The following PUF60 variants were observed in gnomAD, a reference collection of about 807,000 sequenced individuals.
PUF60 encodes poly(U) binding splicing factor 60, also known as poly(U)-binding-splicing factor PUF60.
In PUF60, 10 loss-of-function variants were observed where a neutral mutation model predicts 61.8. The ratio of observed to expected loss-of-function variants is 0.16; its 90% CI spans 0.10 to 0.27. PUF60 has a LOEUF of 0.27. Among genes scored for constraint, PUF60 ranks in the 10% least tolerant of loss-of-function variants. PUF60 has a pLI of 1.00. For missense variants in PUF60, 371 were observed against 754.0 expected, an observed-to-expected ratio of 0.49 and a Z score of 5.95; for synonymous variants, 353 against 300.9, an observed-to-expected ratio of 1.17 and a Z score of -1.79.
At chr8:143,829,231 C>G in intron 1 of PUF60, 49 bp downstream of exon 1, 1 of 1,240,256 alleles carries the variant, frequency 8.1e-7, no homozygotes, top group South Asian at 3.6e-5. Flanking sequence ...GTCGACGACC[C>G]GGCCCCGCAA....
rs374968132 is a variant in PUF60, at chr8:143,824,706, T to G, written c.25-307A>C. ...CAGGCAAAAGAAAGCCATCCTCTCC[T>G]GCCGGCAGGCTGGACGGCCAAAGGA... On this transcript the variant is annotated intron_variant, in intron 1 of 11. Coordinates refer to ENST00000526683, the MANE Select transcript of PUF60 (RefSeq NM_078480.3). The G allele has an allele frequency of 3.4e-5, 14 of 413,156 alleles. No homozygotes were observed. The South Asian group carries it at 4.1e-4, about 12-fold the overall frequency. The allele number at this position is 413,156 out of a possible 1,614,324, so 25.6% of individuals were successfully genotyped here. A position where few individuals can be genotyped will look rare whatever the true frequency, so the allele number is the denominator to read the frequency against.
chr8:143,820,560 G>T, intron 5 of PUF60, 106 bp downstream of exon 5: 2 of 1,281,954 alleles, frequency 1.6e-6, no homozygotes, highest in Non-Finnish European at 2.3e-6. Flanking sequence ...GAGCTGGCGG[G>T]CAGGGCCGGC....
At chr8:143,826,606 T>C (rs982876422) in intron 1 of PUF60, among the ~76,000 whole-genome samples, 1 of 152,018 alleles carries the variant, frequency 6.6e-6, no homozygotes, top group Non-Finnish European at 1.5e-5. Flanking sequence ...TCCCAGCTAC[T>C]TGGGAGGCTG....
chr8:143,822,619 C>T (rs1002047071), intron 2 of PUF60: 2 of 455,660 alleles, frequency 4.4e-6, no homozygotes, highest in Admixed American at 2.4e-5. Context: ...GGCACCCTAG[C>T]CAGGTGGGCC....
rs1816320922 is a variant in PUF60, at chr8:143,816,626, G to C, written c.1574C>G (p.Thr525Ser). ...IFVEFSIASE[T>S]HKAIQALNGR... is the part of the protein sequence containing the mutation. ...ATTGAGGGCCTGGATGGCCTTATGA[G>C]TCTCAGAGGCTATGGAAAACTCCAC... Residue 525 changes from threonine to serine, a missense_variant, in exon 12 of 12, where the codon ACT (threonine) becomes AGT (serine). Thr to Ser is a moderately conservative substitution (Grantham distance 58). Transcript: ENST00000526683. 5.6e-6 allele frequency: 9 copies of C among 1,613,800 alleles called. No individual in the cohort carries two copies. The East Asian group carries it at 2.0e-4, about 36-fold the overall frequency.
intron 1 of PUF60, chr8:143,827,025 T>C (rs1817708817): frequency 7.1e-6 from 2 of 283,452 alleles, no homozygotes; most frequent in African/African-American, 4.6e-5. Context: ...TGAACACTGC[T>C]TACTGCGTGC....
intron 2 of PUF60, among the ~76,000 whole-genome samples, chr8:143,822,265 G>C (rs1173838553): frequency 6.6e-6 from 1 of 152,164 alleles, no homozygotes; most frequent in Non-Finnish European, 1.5e-5. Flanking sequence ...CCCGGCAGGA[G>C]AGCCAGCCTC....
chr8:143,822,536 T>C, intron 2 of PUF60: 1 of 456,536 alleles, frequency 2.2e-6, no homozygotes, highest in Non-Finnish European at 4.4e-6. Flanking sequence ...TGAAGAGGGC[T>C]CCAGCTCACT....
At chr8:143,820,353 G>A (rs1816875161) in intron 5 of PUF60, 3 of 454,872 alleles carry the variant, frequency 6.6e-6, no homozygotes, top group East Asian at 8.5e-5. Context: ...GGCACACCCC[G>A]TGCGTGCAGG....
At position 143,817,279 on chromosome 8, in the gene PUF60, CGA is replaced by C. The variant is rs1037435444; in HGVS notation, c.1144+50_1144+51del. 4.5e-6 allele frequency: 7 copies of C among 1,556,142 alleles called. No homozygotes were observed. Among genetic ancestry groups the C allele is most frequent in the Admixed American group, 2.1e-5 (1 of 48,390 alleles). On this transcript the variant is annotated intron_variant, in intron 10 of 11. Transcript: ENST00000526683. This position sits in a 1 kb window ranked among gnomAD's most constrained non-coding sequence, Gnocchi z 7.4. ...GGCCAGGCAGCTGAGGGCAGCGAGC[CGA>C]GAGATGCCAGGACAGGAGAGGAGAG...
rs763369978 is a variant in PUF60, at chr8:143,817,911, T to C, written c.768A>G (p.Thr256=). 5.0e-6 allele frequency: 8 copies of C among 1,612,716 alleles called. No homozygotes were observed. Among genetic ancestry groups the C allele is most frequent in the East Asian group, 2.2e-5 (1 of 44,888 alleles). ...TGCCAGTTGTGGGGTCCCGGGCCAGTGTGCAGGACTTGATCTTGCCAAAGG... is the reference window on the plus strand; with the variant it reads ...TGCCAGTTGTGGGGTCCCGGGCCAGCGTGCAGGACTTGATCTTGCCAAAGG... ...FEAFGKIKSC[T]LARDPTTGKH... is the part of the protein sequence containing the mutation. Residue 256 remains threonine (T), a synonymous_variant, in exon 8 of 12, where the codon ACA becomes ACG. Transcript: ENST00000526683. The surrounding 1 kb of genome is among the most constrained non-coding windows in gnomAD (Gnocchi z 7.4).
At chr8:143,823,849 A>AACCAG (rs1162594400) in intron 2 of PUF60, among the ~76,000 whole-genome samples, 4 of 152,254 alleles carry the variant, frequency 2.6e-5, no homozygotes, top group Admixed American at 2.6e-4. Flanking sequence ...GCTGAGTCCC[A>AACCAG]ACCAGACCTG....
At position 143,818,914 on chromosome 8, in the gene PUF60, C is replaced by T. The variant is rs562030537; in HGVS notation, c.349-380G>A. On this transcript the variant is annotated intron_variant, in intron 5 of 11. Transcript: ENST00000526683. This position sits in a 1 kb window ranked among gnomAD's most constrained non-coding sequence, Gnocchi z 7.9. ...CTCCCACTGTCCCAGCCAAGGACCA[C>T]GACAGAAGAGGGAAGGAGGAACCAT... 27 of 261,852 alleles carry T rather than the reference C, an allele frequency of 1.0e-4. No homozygotes were observed. The highest frequency in any genetic ancestry group is 1.5e-4 in the Non-Finnish European group (20 of 137,512). The allele number at this position is 261,852 out of a possible 1,614,324, so 16.2% of individuals were successfully genotyped here. A position where few individuals can be genotyped will look rare whatever the true frequency, so the allele number is the denominator to read the frequency against.
chr8:143,822,846 C>G (rs749549791), intron 2 of PUF60: 8 of 328,068 alleles, frequency 2.4e-5, no homozygotes, highest in Non-Finnish European at 4.9e-5. Context: ...TCAGCAAGCA[C>G]AAAGATCACT....
chr8:143,829,099 G>A (rs1248251056), intron 1 of PUF60, 181 bp downstream of exon 1: 4 of 1,125,294 alleles, frequency 3.6e-6, no homozygotes, highest in Non-Finnish European at 4.3e-6. Context: ...CTGAGGCCGC[G>A]AGCCGGCCGC....
At chr8:143,828,641 C>A (rs564105010) in intron 1 of PUF60, among the ~76,000 whole-genome samples, 1 of 152,332 alleles carries the variant, frequency 6.6e-6, no homozygotes, top group South Asian at 2.1e-4. Context: ...AACTGCCTGT[C>A]TGGTTCCCCA....
chr8:143,821,416 G>T, intron 4 of PUF60, 181 bp downstream of exon 4: 1 of 625,382 alleles, frequency 1.6e-6, no homozygotes, highest in Non-Finnish European at 2.8e-6. Context: ...CAACAGGTGG[G>T]AAAGGCTGGG....
intron 2 of PUF60, 66 bp downstream of exon 2, chr8:143,824,247 C>T: frequency 1.4e-6 from 2 of 1,474,970 alleles, no homozygotes; most frequent in Non-Finnish European, 1.8e-6. Flanking sequence ...CAGGGACGCA[C>T]AGGCAGGCGG....
rs992296813 is a variant in PUF60 at position 143,816,824 on chromosome 8, G to A, written c.1381-5C>T. 1 of 1,611,148 alleles carries A rather than the reference G, an allele frequency of 6.2e-7. No homozygotes were observed. The highest frequency in any genetic ancestry group is 2.2e-5 in the East Asian group (1 of 44,820). On this transcript the variant is annotated splice_region_variant and splice_polypyrimidine_tract_variant and intron_variant, in intron 11 of 11. Transcript: ENST00000526683. ...GCGCAGAACCATCACTGTAGACTGT[G>A]GGGCAGGGCCGAGGGGAAGACAGCT...
Sources: allele counts gnomAD v4.1 joint callset (sites outside exome capture counted in the v4.1 genomes callset), GRCh38; gene constraint gnomAD v4.1.1; non-coding constraint Gnocchi (gnomAD v3.1); transcripts MANE v1.5; gene names NCBI Gene and HGNC (gene_info 2026-07-23, HGNC 2026-07-21).